The following TDP1 variants were observed in gnomAD, a reference collection of about 807,000 sequenced individuals.
TDP1 encodes tyr-DNA phosphodiesterase 1.
A neutral mutation model predicts 81.5 loss-of-function variants in TDP1; 64 were observed. The observed-to-expected ratio is 0.79, with a 90% CI of 0.64 to 0.97. The LOEUF is 0.97. Ranked by LOEUF, TDP1 falls within the 50% of genes least tolerant of loss-of-function variation. TDP1 has a pLI of 0.00. For synonymous variants in TDP1, 256 were observed against 264.3 expected (o/e 0.97, Z 0.30); for missense variants, 723 against 743.8 (o/e 0.97, Z 0.33).
At chr14:89,985,235 C>G in intron 10 of TDP1, 25 bp downstream of exon 10, 1 of 1,427,654 alleles carries the variant, frequency 7.0e-7, no homozygotes, top group Non-Finnish European at 9.7e-7. Flanking sequence ...ACTATTTTAA[C>G]ATTTTTAAAA....
chr14:89,993,361 C>T lies in TDP1; in HGVS notation c.1434-15C>T, dbSNP rs764498931. The T allele has an allele frequency of 6.2e-7, 1 of 1,603,692 alleles. No individual in the cohort carries two copies. Among genetic ancestry groups the T allele is most frequent in the Admixed American group, 1.7e-5 (1 of 59,874 alleles). The stretch of plus-strand genomic sequence containing the variant: ...TTATTTCATAATTAGTAACTTTTGT[C>T]TTTTCTGTCACTAGCAAATGGTCAG... On this transcript the variant is annotated splice_polypyrimidine_tract_variant and intron_variant, in intron 13 of 16. Transcript: ENST00000335725.
At chr14:90,035,239 A>G (rs2140331015) in intron 16 of TDP1, among the ~76,000 whole-genome samples, 1 of 152,338 alleles carries the variant, frequency 6.6e-6, no homozygotes, top group East Asian at 1.9e-4. Flanking sequence ...CCAGTGTGCC[A>G]TCCTGCCTCT....
At chr14:89,988,432 A>G in intron 10 of TDP1, 1 of 229,672 alleles carries the variant, frequency 4.4e-6, no homozygotes, top group Non-Finnish European at 7.2e-6. Context: ...TCTGCCAGCC[A>G]TCAGTCTCAT....
Position 89,984,641 on chromosome 14 carries a change from A to AGTG in TDP1, c.1012_1014dup (p.Trp338dup), listed in dbSNP as rs760143720. ...GCTTATAATGCCCCTTCTCTCAAGG[A>AGTG]GTGGATAGATGTCATTCACAAGCAC... is the stretch of plus-strand genomic sequence containing the variant. On this transcript the variant is annotated inframe_insertion, in exon 9 of 17. Coordinates refer to ENST00000335725, the MANE Select transcript of TDP1 (RefSeq NM_018319.4). 34 of 1,614,020 alleles carry AGTG rather than the reference A, an allele frequency of 2.1e-5. No homozygotes were observed. The highest frequency in any genetic ancestry group is 2.3e-5 in the Non-Finnish European group (27 of 1,180,042).
At chr14:89,984,932 TTGTC>T (rs1475971200) in intron 9 of TDP1, 196 bp from the exon 10 acceptor site, 3 of 983,080 alleles carry the variant, frequency 3.1e-6, no homozygotes, top group Non-Finnish European at 3.6e-6. Context: ...ATTGAGTTCT[TTGTC>T]TGGTACTTTA....
intron 16 of TDP1, among the ~76,000 whole-genome samples, chr14:90,042,422 T>G (rs34504149): frequency 0.026 from 3,904 of 152,306 alleles, 62 homozygotes; most frequent in Non-Finnish European, 0.04. Context: ...GGGTTCTGGT[T>G]AAAGTGATTT....
intron 8 of TDP1, 175 bp downstream of exon 8, chr14:89,980,807 A>C: frequency 3.2e-6 from 2 of 624,944 alleles, no homozygotes; most frequent in Non-Finnish European, 5.7e-6. Flanking sequence ...TACCTGCCCC[A>C]TTCTACCTTC....
intron 16 of TDP1, among the ~76,000 whole-genome samples, chr14:90,042,517 A>G (rs992040885): frequency 6.6e-6 from 1 of 152,194 alleles, no homozygotes; most frequent in African/African-American, 2.4e-5. Flanking sequence ...CTGTCCTCAC[A>G]CTGCTAATAA....
chr14:90,030,892 A>G, intron 15 of TDP1, among the ~76,000 whole-genome samples: 1 of 151,802 alleles, frequency 6.6e-6, no homozygotes, highest in Non-Finnish European at 1.5e-5. Context: ...CAGCCTCCCA[A>G]GTAACTGAGA....
intron 14 of TDP1, among the ~76,000 whole-genome samples, chr14:89,998,616 G>A (rs1896930618): frequency 2.0e-5 from 3 of 151,344 alleles, no homozygotes; most frequent in Admixed American, 1.3e-4. Flanking sequence ...GTGAGTGCTC[G>A]GGTTGGGGAG....
chr14:90,010,907 C>T (rs545210657), intron 14 of TDP1, among the ~76,000 whole-genome samples: 2 of 152,158 alleles, frequency 1.3e-5, no homozygotes, highest in South Asian at 2.1e-4. Context: ...TAAACATCAG[C>T]GTTCAGTAGT....
chr14:89,997,045 A>G (rs1415442650), intron 14 of TDP1, among the ~76,000 whole-genome samples: 1 of 152,256 alleles, frequency 6.6e-6, no homozygotes, highest in Non-Finnish European at 1.5e-5. Flanking sequence ...CATTGTATAC[A>G]TATTAGTTAA....
intron 5 of TDP1, among the ~76,000 whole-genome samples, chr14:89,969,736 T>C (rs552133649): frequency 6.6e-6 from 1 of 152,292 alleles, no homozygotes; most frequent in South Asian, 2.1e-4. Context: ...CTCTAGTTGA[T>C]TGTTGTTCCT....
chr14:89,974,654 G>A (rs757656900), intron 6 of TDP1, among the ~76,000 whole-genome samples: 1 of 143,008 alleles, frequency 7.0e-6, no homozygotes, highest in East Asian at 1.9e-4. Context: ...GCAGGCCCCC[G>A]TTGCTCAGCA....
chr14:89,956,355 A>C (rs572742724), intron 1 of TDP1: 2 of 152,272 alleles, frequency 1.3e-5, no homozygotes, highest in Non-Finnish European at 2.9e-5. Context: ...TCGGTTTCCC[A>C]GTATAGGAGG....
intron 16 of TDP1, among the ~76,000 whole-genome samples, chr14:90,041,116 A>G (rs910943479): frequency 4.6e-5 from 7 of 152,220 alleles, no homozygotes; most frequent in Admixed American, 4.6e-4. Context: ...ATTGGGTGTC[A>G]TTGGCCTTGG....
At chr14:89,992,848 A>G (rs1896333122) in intron 13 of TDP1, 1 of 716,262 alleles carries the variant, frequency 1.4e-6, no homozygotes, top group Non-Finnish European at 1.7e-6. Flanking sequence ...ATAGTCTGCA[A>G]TATTGGAAAC....
intron 10 of TDP1, among the ~76,000 whole-genome samples, chr14:89,988,028 C>G (rs550619109): frequency 6.6e-6 from 1 of 152,244 alleles, no homozygotes; most frequent in Admixed American, 6.5e-5. Context: ...CCATGACCCT[C>G]TCTTTGGGCT....
chr14:90,037,114 A>G (rs1235373415), intron 16 of TDP1, among the ~76,000 whole-genome samples: 1 of 152,188 alleles, frequency 6.6e-6, no homozygotes, highest in Non-Finnish European at 1.5e-5. Context: ...ACCTGGCCCA[A>G]AGAAGGCTTT....
Sources: gnomAD v4.1 joint callset for allele counts (sites outside exome capture counted in the v4.1 genomes callset) on GRCh38, gnomAD v4.1.1 for gene constraint, MANE v1.5 for transcripts, NCBI Gene and HGNC (gene_info 2026-07-23, HGNC 2026-07-21) for gene names.